Variants in ZNF195 observed in about 807,000 individuals in gnomAD.
ZNF195 encodes the protein zinc finger protein 195.
Under a neutral mutation model 19.5 loss-of-function variants are expected in ZNF195, and 11 were observed. The observed-to-expected ratio is 0.57, with a 90% confidence interval of 0.36 to 0.94. The LOEUF (loss-of-function observed/expected upper bound fraction) is 0.94. Among genes scored for constraint, ZNF195 ranks in the 40% least tolerant of loss-of-function variants. The pLI, the probability that ZNF195 is intolerant of heterozygous loss-of-function variation, is 0.01. For missense variants in ZNF195, 582 were observed against 709.0 expected, an observed-to-expected ratio of 0.82 and a Z score of 2.03; for synonymous variants, 214 against 248.1, an observed-to-expected ratio of 0.86 and a Z score of 1.29.
At chr11:3,368,833 T>C (rs902278536) in intron 3 of ZNF195, 1 of 455,900 alleles carries the variant, frequency 2.2e-6, no homozygotes, top group Non-Finnish European at 4.4e-6. Flanking sequence ...ATACAGACAG[T>C]ATAGTCTCTT....
At chr11:3,361,584 T>C (rs1479910555) in intron 4 of ZNF195, among the ~76,000 whole-genome samples, 159 bp downstream of exon 4, 1 of 151,214 alleles carries the variant, frequency 6.6e-6, no homozygotes, top group Non-Finnish European at 1.5e-5. Flanking sequence ...TTCTCAAAAG[T>C]AAGAAAAAAA....
Position 3,359,736 on chromosome 11 carries a change from G to A in ZNF195, c.1272C>T (p.Asp424=). The change falls in exon 6 of 6, where the codon GAC becomes GAT. Residue 424 remains aspartate (D), a synonymous_variant. Transcript: ENST00000399602. This position sits in a 1 kb window ranked among gnomAD's most constrained non-coding sequence, Gnocchi z 5.5. ...ECDSIFKWFS[D]LTKHKRIHTG... is the part of the protein sequence containing the mutation. ...TGTGAATTCTCTTATGTTTAGTAAG[G>A]TCTGAGAACCACTTGAAGATGCTGT... 6.2e-7 allele frequency: 1 copy of A among 1,614,212 alleles called. No individual in the cohort carries two copies. The highest frequency in any genetic ancestry group is 8.5e-7 in the Non-Finnish European group (1 of 1,180,044).
chr11:3,363,186 A>G (rs905493974), intron 3 of ZNF195: 1 of 152,234 alleles, frequency 6.6e-6, no homozygotes, highest in Non-Finnish European at 1.5e-5. Flanking sequence ...CATCAAAGCA[A>G]GAAACAGACA....
At chr11:3,369,432 G>T in intron 3 of ZNF195, 1 of 429,298 alleles carries the variant, frequency 2.3e-6, no homozygotes, top group Admixed American at 2.5e-5. Flanking sequence ...AGAATTATCT[G>T]CTCCCTCATG....
At position 3,358,988 on chromosome 11, in the gene ZNF195, A is replaced by G. The variant is rs1848500900; in HGVS notation, c.*130T>C. The G allele has an allele frequency of 8.4e-7, 1 of 1,196,852 alleles. No individual in the cohort carries two copies. Among genetic ancestry groups the G allele is most frequent in the South Asian group, 2.7e-5 (1 of 37,072 alleles). 74.1% of individuals were successfully genotyped at this position (1,196,852 alleles called of 1,614,324 possible). On this transcript the variant is annotated 3_prime_UTR_variant, in exon 6 of 6. Transcript: ENST00000399602. Reference sequence around the variant, plus strand: ...ATACTCTTGTGTGCTCTGGAGACTTATATTTCATGAAAGGTCTTTCAATAG... The same window carrying G: ...ATACTCTTGTGTGCTCTGGAGACTTGTATTTCATGAAAGGTCTTTCAATAG...
intron 4 of ZNF195, among the ~76,000 whole-genome samples, chr11:3,361,272 G>C (rs1429401933): frequency 1.3e-5 from 2 of 152,312 alleles, no homozygotes; most frequent in African/African-American, 4.8e-5. Flanking sequence ...ACATTATAAA[G>C]GTTGTGGCAG....
Position 3,358,087 on chromosome 11 carries a change from T to G in ZNF195, c.*1031A>C, listed in dbSNP as rs11026713. ...AGAACTGGGTTGGGGTGGGGGAGCT[T>G]AGTCGAGGGTGCAGGTGTCTTGTCT... On this transcript the variant is annotated 3_prime_UTR_variant, in exon 6 of 6. Transcript: ENST00000399602. The G allele has an allele frequency of 0.22, 33,588 of 150,772 alleles. 3,832 individuals carry two copies. The highest frequency in any genetic ancestry group is 0.4 in the East Asian group (1,989 of 4,970). 9.3% of individuals were successfully genotyped at this position (150,772 alleles called of 1,614,324 possible).
At position 3,359,734 on chromosome 11, in the gene ZNF195, A is replaced by C. The variant is rs1295398094; in HGVS notation, c.1274T>G (p.Leu425Arg). ...AGTGTGAATTCTCTTATGTTTAGTA[A>C]GGTCTGAGAACCACTTGAAGATGCT... ...CDSIFKWFSD[L>R]TKHKRIHTGE... The change falls in exon 6 of 6, where the codon CTT (leucine) becomes CGT (arginine). Residue 425 changes from leucine to arginine, a missense_variant. By Grantham distance (102) the Leu-to-Arg change is moderately radical. Transcript: ENST00000399602. The surrounding 1 kb of genome is among the most constrained non-coding windows in gnomAD (Gnocchi z 5.5). 5 of 1,614,084 alleles carry C rather than the reference A, an allele frequency of 3.1e-6. No individual in the cohort carries two copies. Among genetic ancestry groups the C allele is most frequent in the Non-Finnish European group, 8.5e-7 (1 of 1,180,048 alleles).
chr11:3,374,868 A>T lies in ZNF195; in HGVS notation c.4-3165T>A, dbSNP rs372711233. Among the ~76,000 whole-genome samples the T allele has an allele frequency of 6.6e-5, 10 of 152,314 alleles. No homozygotes were observed. In the East Asian group the frequency reaches 7.7e-4, roughly 12 times the overall value. Reference sequence around the variant, plus strand: ...GTGAAGCAACTATTAGACCCACAGGACTGAGAAAGAGCTTGCTGGATACGA... The same window carrying T: ...GTGAAGCAACTATTAGACCCACAGGTCTGAGAAAGAGCTTGCTGGATACGA... On this transcript the variant is annotated intron_variant, in intron 1 of 5. Transcript: ENST00000399602.
At position 3,367,679 on chromosome 11, in the gene ZNF195, G is replaced by A. The variant is rs112747774; in HGVS notation, c.226+3296C>T. 2.4e-3 allele frequency among the ~76,000 whole-genome samples: 364 copies of A among 152,138 alleles called. 1 individual carries two copies. Among genetic ancestry groups the A allele is most frequent in the Non-Finnish European group, 3.9e-3 (265 of 68,020 alleles). On this transcript the variant is annotated intron_variant, in intron 3 of 5. Transcript: ENST00000399602. ...AAATAAAGAGAAAAATATAAATTATGTAAAATATGGTGAGAGTCACTGATA... is the reference window on the plus strand; with the variant it reads ...AAATAAAGAGAAAAATATAAATTATATAAAATATGGTGAGAGTCACTGATA...
chr11:3,368,916 C>T (rs1849041286), intron 3 of ZNF195: 16 of 446,750 alleles, frequency 3.6e-5, no homozygotes, highest in South Asian at 2.2e-4. Flanking sequence ...TTACACCATA[C>T]TCAAAAATTA....
intron 3 of ZNF195, chr11:3,363,197 G>A (rs1280961681): frequency 1.3e-5 from 2 of 152,124 alleles, no homozygotes; most frequent in Non-Finnish European, 2.9e-5. Context: ...GAAACAGACA[G>A]CAATATAATA....
At chr11:3,362,678 G>C (rs1848689959) in intron 3 of ZNF195, 1 of 432,616 alleles carries the variant, frequency 2.3e-6, no homozygotes, top group Non-Finnish European at 4.2e-6. Context: ...AAAGGAAAGA[G>C]AGAAAGAAAA....
At chr11:3,366,262 TCAAAAA>T (rs1848880471) in intron 3 of ZNF195, among the ~76,000 whole-genome samples, 1 of 20,238 alleles carries the variant, frequency 4.9e-5, no homozygotes, top group African/African-American at 1.6e-4. Flanking sequence ...AGACTCCATC[TCAAAAA>T]AAAAAAAAAA....
chr11:3,370,189 GATATATACACACACATATATACACAC>G (rs1022792862), intron 3 of ZNF195, among the ~76,000 whole-genome samples: 1 of 151,192 alleles, frequency 6.6e-6, no homozygotes. Flanking sequence ...ACACATATAT[GATATATACACACACATATATACACAC>G]ATATATACAC....
In ZNF195 at chr11:3,360,303, A is replaced by G. The variant is rs374033031; in HGVS notation, c.705T>C (p.Asn235=). ...AAGGTTTCTCTCCAGTATTACTTAT[A>G]TTACGTCTATGTAAATTTGAAAAGT... ...FDNFSNLHRR[N]ISNTGEKPFK... Residue 235 remains asparagine (N), a synonymous_variant, in exon 6 of 6, where the codon AAT becomes AAC. Coordinates refer to ENST00000399602, the MANE Select transcript of ZNF195 (RefSeq NM_001130520.3). The G allele has an allele frequency of 5.0e-6, 8 of 1,607,166 alleles. No individual in the cohort carries two copies. The highest frequency in any genetic ancestry group is 1.7e-4 in the Middle Eastern group (1 of 6,012).
In ZNF195 at chr11:3,366,053, C is replaced by T. The variant is rs554374311; in HGVS notation, c.227-4164G>A. ...CGGGTGGATCACGAGGTCAGGAGAT[C>T]GAGACCATCCTGGCCAACACGGTGA... is the stretch of plus-strand genomic sequence containing the variant. On this transcript the variant is annotated intron_variant, in intron 3 of 5. Transcript: ENST00000399602. Among the ~76,000 whole-genome samples, 50 of 151,546 alleles carry T rather than the reference C, an allele frequency of 3.3e-4. No homozygotes were observed. The South Asian group carries it at 9.8e-3, about 30-fold the overall frequency.
intron 1 of ZNF195, among the ~76,000 whole-genome samples, chr11:3,375,963 A>T (rs1257813774): frequency 6.6e-6 from 1 of 152,184 alleles, no homozygotes; most frequent in African/African-American, 2.4e-5. Context: ...TGGCCATGAG[A>T]TCCATGATAG....
At chr11:3,370,902 T>A (rs1434400781) in intron 3 of ZNF195, 73 bp downstream of exon 3, 2 of 1,512,380 alleles carry the variant, frequency 1.3e-6, no homozygotes, top group Non-Finnish European at 1.8e-6. Flanking sequence ...TCAAACCACA[T>A]TTTAAGGTCT....
Sources: allele counts gnomAD v4.1 joint callset (sites outside exome capture counted in the v4.1 genomes callset), GRCh38; gene constraint gnomAD v4.1.1; non-coding constraint Gnocchi (gnomAD v3.1); transcripts MANE v1.5; gene names NCBI Gene and HGNC (gene_info 2026-07-23, HGNC 2026-07-21).